MAPK4: variants seen among roughly 807,000 people sequenced by gnomAD.
The protein encoded by MAPK4 is mitogen-activated protein kinase 4, also known as Erk3-related.
MAPK4 carries 22 observed loss-of-function variants against 47.7 expected under a neutral mutation model. That is an observed-to-expected ratio of 0.46 (90% CI 0.33 to 0.66). The LOEUF is 0.66. Among genes scored for constraint, MAPK4 ranks in the 30% least tolerant of loss-of-function variants. The pLI is 0.02. For synonymous variants in MAPK4, 390 were observed against 365.7 expected, an observed-to-expected ratio of 1.07 and a Z score of -0.76; for missense variants, 736 against 831.7, an observed-to-expected ratio of 0.88 and a Z score of 1.42.
intron 1 of MAPK4, among the ~76,000 whole-genome samples, chr18:50,591,111 T>C (rs2042433430): frequency 6.6e-6 from 1 of 152,360 alleles, no homozygotes; most frequent in Admixed American, 6.5e-5. Flanking sequence ...TTGGATTCAG[T>C]TGAGCAAATG....
At chr18:50,714,293 T>C (rs1910522559) in intron 2 of MAPK4, among the ~76,000 whole-genome samples, 1 of 152,238 alleles carries the variant, frequency 6.6e-6, no homozygotes, top group Non-Finnish European at 1.5e-5. Flanking sequence ...TTCTGAATTA[T>C]GTAGAAAACA....
chr18:50,677,447 T>A (rs908212329), intron 2 of MAPK4, among the ~76,000 whole-genome samples: 1 of 152,168 alleles, frequency 6.6e-6, no homozygotes, highest in Non-Finnish European at 1.5e-5. Flanking sequence ...ATTATTCGGT[T>A]ACTGAAAGAA....
intron 3 of MAPK4, among the ~76,000 whole-genome samples, chr18:50,719,608 A>G (rs141021691): frequency 3.0e-4 from 45 of 152,264 alleles, no homozygotes; most frequent in Non-Finnish European, 5.4e-4. Context: ...GATCTGGGTC[A>G]TAGGTGCCTG....
intron 1 of MAPK4, among the ~76,000 whole-genome samples, chr18:50,618,558 T>A (rs2042704498): frequency 6.6e-6 from 1 of 152,230 alleles, no homozygotes; most frequent in South Asian, 2.1e-4. Context: ...CCAGTGACTA[T>A]TCCTGTATTT....
intron 1 of MAPK4, among the ~76,000 whole-genome samples, chr18:50,603,671 A>G (rs2042559914): frequency 1.3e-5 from 2 of 151,972 alleles, no homozygotes; most frequent in Non-Finnish European, 1.5e-5. Context: ...TTGTATATAC[A>G]AAGTCTAGAA....
intron 1 of MAPK4, among the ~76,000 whole-genome samples, chr18:50,612,670 C>T (rs949540187): frequency 2.0e-5 from 3 of 152,156 alleles, no homozygotes; most frequent in Admixed American, 6.5e-5. Context: ...GGATTGGGGT[C>T]ATCTTCTGTG....
At chr18:50,594,274 G>A (rs1466776108) in intron 1 of MAPK4, among the ~76,000 whole-genome samples, 7 of 152,130 alleles carry the variant, frequency 4.6e-5, no homozygotes, top group Non-Finnish European at 8.8e-5. Flanking sequence ...TGACTCAAAT[G>A]TCAGTCTCCT....
intron 1 of MAPK4, among the ~76,000 whole-genome samples, chr18:50,642,454 T>G (rs1454960407): frequency 1.3e-5 from 2 of 152,196 alleles, no homozygotes; most frequent in African/African-American, 4.8e-5. Context: ...CCCTTCTTCC[T>G]TTATCTTATT....
At chr18:50,580,042 A>T (rs2338830) in intron 1 of MAPK4, among the ~76,000 whole-genome samples, 106,852 of 152,084 alleles carry the variant, frequency 0.7, 37,929 homozygotes, top group Non-Finnish European at 0.75. Context: ...CATCTCCAAG[A>T]AGCTCTTGAG....
At chr18:50,588,210 G>A (rs2042405314) in intron 1 of MAPK4, among the ~76,000 whole-genome samples, 1 of 152,126 alleles carries the variant, frequency 6.6e-6, no homozygotes, top group Admixed American at 6.5e-5. Context: ...CGCTCCATGT[G>A]GCATCAAATG....
At chr18:50,601,097 T>A (rs2042533698) in intron 1 of MAPK4, among the ~76,000 whole-genome samples, 1 of 134,466 alleles carries the variant, frequency 7.4e-6, no homozygotes, top group African/African-American at 2.8e-5. Context: ...CCTATCTCTG[T>A]AAAAAAAAAA....
intron 1 of MAPK4, among the ~76,000 whole-genome samples, chr18:50,649,151 C>T (rs1216352511): frequency 6.6e-6 from 1 of 152,172 alleles, no homozygotes; most frequent in Non-Finnish European, 1.5e-5. Flanking sequence ...GATCTGATCC[C>T]CTAGGGGCCC....
chr18:50,617,466 G>C (rs2149380442), intron 1 of MAPK4, among the ~76,000 whole-genome samples: 1 of 152,262 alleles, frequency 6.6e-6, no homozygotes, highest in Admixed American at 6.5e-5. Context: ...TGACTTTCCA[G>C]GGACTAAACC....
chr18:50,595,317 A>G (rs1168255635), intron 1 of MAPK4, among the ~76,000 whole-genome samples: 1 of 152,236 alleles, frequency 6.6e-6, no homozygotes, highest in Non-Finnish European at 1.5e-5. Flanking sequence ...AGCAGAATGG[A>G]TAAACAAACT....
chr18:50,697,604 G>A lies in MAPK4; in HGVS notation c.547-17475G>A, dbSNP rs150068692. Among the ~76,000 whole-genome samples, 864 of 152,270 alleles carry A rather than the reference G, an allele frequency of 5.7e-3. 3 individuals are homozygous for A. The highest frequency in any genetic ancestry group is 0.019 in the African/African-American group (802 of 41,560). On this transcript the variant is annotated intron_variant, in intron 2 of 5. Transcript: ENST00000400384. Reference sequence around the variant, plus strand: ...TATAACATCTCTTTTAGAGAAGGAGGCAGGTGATCAGATCCACAGCCTCTG... The same window carrying A: ...TATAACATCTCTTTTAGAGAAGGAGACAGGTGATCAGATCCACAGCCTCTG...
chr18:50,679,938 G>A (rs1243540087), intron 2 of MAPK4, among the ~76,000 whole-genome samples: 1 of 152,196 alleles, frequency 6.6e-6, no homozygotes, highest in East Asian at 1.9e-4. Context: ...GACTCACTGA[G>A]GCCCAAGGCC....
chr18:50,609,331 G>T (rs999683005), intron 1 of MAPK4, among the ~76,000 whole-genome samples: 5 of 151,306 alleles, frequency 3.3e-5, no homozygotes, highest in Non-Finnish European at 5.9e-5. Context: ...GGGCGGGGCG[G>T]CGGCCGGGCG....
chr18:50,569,371 T>C (rs181449482), intron 1 of MAPK4, among the ~76,000 whole-genome samples: 33 of 152,324 alleles, frequency 2.2e-4, no homozygotes, highest in African/African-American at 7.9e-4. Flanking sequence ...TTTGAGACTT[T>C]GGATAATCAT....
intron 1 of MAPK4, among the ~76,000 whole-genome samples, chr18:50,621,223 C>T (rs1285151721): frequency 6.6e-6 from 1 of 152,216 alleles, no homozygotes; most frequent in Admixed American, 6.5e-5. Flanking sequence ...CTTTTCCAAA[C>T]TGCCTTCTAG....
Sources: gnomAD v4.1 joint callset for allele counts (sites outside exome capture counted in the v4.1 genomes callset) on GRCh38, gnomAD v4.1.1 for gene constraint, MANE v1.5 for transcripts, NCBI Gene and HGNC (gene_info 2026-07-23, HGNC 2026-07-21) for gene names.